Variants in FBXL14 observed in about 807,000 individuals in gnomAD.
FBXL14 encodes F-box and leucine rich repeat protein 14.
Under a neutral mutation model 24.5 loss-of-function variants are expected in FBXL14, and 11 were observed. The ratio of observed to expected loss-of-function variants is 0.45; its 90% CI spans 0.28 to 0.74. The LOEUF is 0.74. Among genes scored for constraint, FBXL14 ranks in the 30% least tolerant of loss-of-function variants. FBXL14 has a pLI of 0.12. For missense variants in FBXL14, 384 were observed against 545.6 expected (o/e 0.70, Z 2.95); for synonymous variants, 294 against 240.4 (o/e 1.22, Z -2.06).
chr12:1,582,223 AAAAGAGAAAG>A (rs2094467936), intron 1 of FBXL14, among the ~76,000 whole-genome samples: 1 of 151,198 alleles, frequency 6.6e-6, no homozygotes, highest in Non-Finnish European at 1.5e-5. Flanking sequence ...AGAAGAAAGA[AAAAGAGAAAG>A]AAAGAAAGAA....
intron 1 of FBXL14, among the ~76,000 whole-genome samples, chr12:1,582,179 AAAAG>A (rs1186250204): frequency 1.3e-5 from 2 of 151,914 alleles, no homozygotes; most frequent in Admixed American, 6.6e-5. Context: ...GAAAAGAAAG[AAAAG>A]AAAGGAAGAA....
At position 1,593,178 on chromosome 12, in the gene FBXL14, G is replaced by C. The variant is rs932689843; in HGVS notation, c.889C>G (p.Leu297Val). 3 of 1,613,384 alleles carry C rather than the reference G, an allele frequency of 1.9e-6. No individual in the cohort carries two copies. Among genetic ancestry groups the C allele is most frequent in the Non-Finnish European group, 1.7e-6 (2 of 1,180,040 alleles). The part of the protein sequence containing the change: ...SFCDKVGDQS[L>V]AYIAQGLDGL... Reference sequence around the variant, plus strand: ...TCCAGCCCCTGGGCTATGTAAGCCAGACTCTGGTCTCCCACCTTGTCACAG... The same window carrying C: ...TCCAGCCCCTGGGCTATGTAAGCCACACTCTGGTCTCCCACCTTGTCACAG... Residue 297 changes from leucine to valine, a missense_variant, in exon 1 of 2, where the codon CTG (leucine) becomes GTG (valine). Transcript: ENST00000339235. This position sits in a 1 kb window ranked among gnomAD's most constrained non-coding sequence, Gnocchi z 7.4.
In FBXL14 at chr12:1,592,885, C is replaced by T. The variant is rs781456195; in HGVS notation, c.1182G>A (p.Thr394=). 7.6e-6 allele frequency: 12 copies of T among 1,571,176 alleles called. No individual in the cohort carries two copies. The Middle Eastern group carries it at 6.8e-4, about 89-fold the overall frequency. Reference sequence around the variant, plus strand: ...GCCCTCACCTGACCTTCTCACTGTCCGTCATCTGCCAGAGTCCCAGGTTGA... The same window carrying T: ...GCCCTCACCTGACCTTCTCACTGTCTGTCATCTGCCAGAGTCCCAGGTTGA... ...KVLNLGLWQM[T]DSEKEARGDF... The change falls in exon 1 of 2, where the codon ACG becomes ACA. Residue 394 remains threonine (T), a synonymous_variant. Transcript: ENST00000339235.
Position 1,566,309 on chromosome 12 carries a change from T to C in FBXL14, c.*439A>G, listed in dbSNP as rs1381569106. 1 of 152,718 alleles carries C rather than the reference T, an allele frequency of 6.5e-6. No individual in the cohort carries two copies. Among genetic ancestry groups the C allele is most frequent in the Non-Finnish European group, 1.5e-5 (1 of 68,366 alleles). The allele number at this position is 152,718 out of a possible 1,614,324, so 9.5% of individuals were successfully genotyped here. On this transcript the variant is annotated 3_prime_UTR_variant, in exon 2 of 2. Transcript: ENST00000339235. ...CACTATGTAATGATATTTTACGTTC[T>C]CAGTAATACATATCATCATTATATA...
chr12:1,587,042 A>G (rs2094478116), intron 1 of FBXL14, among the ~76,000 whole-genome samples: 1 of 152,124 alleles, frequency 6.6e-6, no homozygotes, highest in Non-Finnish European at 1.5e-5. Flanking sequence ...GTTTGAGACC[A>G]GCCTGACCAA....
chr12:1,584,959 C>T (rs982753189), intron 1 of FBXL14, among the ~76,000 whole-genome samples: 1 of 152,166 alleles, frequency 6.6e-6, no homozygotes, highest in South Asian at 2.1e-4. Context: ...TTAACTGTTA[C>T]AATTTCTCCC....
Position 1,594,440 on chromosome 12 carries a change from A to C in FBXL14, c.-374T>G. On this transcript the variant is annotated 5_prime_UTR_variant, in exon 1 of 2. Transcript: ENST00000339235. ...CCGCTCCGCCCGCGCCGCCGCGCCC[A>C]CGCCCCCTGCCGCATCCTCCGCCTC... 1.4e-5 allele frequency among the ~76,000 whole-genome samples: 2 copies of C among 138,622 alleles called. No homozygotes were observed. Among genetic ancestry groups the C allele is most frequent in the East Asian group, 2.4e-4 (1 of 4,192 alleles). 90.9% of individuals were successfully genotyped at this position (138,622 alleles called of 152,430 possible).
chr12:1,572,218 CAGAG>C (rs1307509304), intron 1 of FBXL14, among the ~76,000 whole-genome samples: 3 of 152,164 alleles, frequency 2.0e-5, no homozygotes, highest in Non-Finnish European at 4.4e-5. Context: ...CTAGTGTTGA[CAGAG>C]GGAACTTTTT....
In FBXL14 at chr12:1,569,051, C is replaced by T. The variant is rs2094440894; in HGVS notation, c.1195-2241G>A. Reference sequence around the variant, plus strand: ...AATAATATAAGCATAATTATAATCTCACAAGTATTTTCATAGGATTGAGAT... The same window carrying T: ...AATAATATAAGCATAATTATAATCTTACAAGTATTTTCATAGGATTGAGAT... On this transcript the variant is annotated intron_variant, in intron 1 of 1. Coordinates refer to ENST00000339235, the MANE Select transcript of FBXL14 (RefSeq NM_152441.3). This position sits in a 1 kb window ranked among gnomAD's most constrained non-coding sequence, Gnocchi z 4.2. Among the ~76,000 whole-genome samples, 1 of 152,156 alleles carries T rather than the reference C, an allele frequency of 6.6e-6. No homozygotes were observed. The highest frequency in any genetic ancestry group is 2.4e-5 in the African/African-American group (1 of 41,428).
chr12:1,575,685 G>T (rs2094454520), intron 1 of FBXL14, among the ~76,000 whole-genome samples: 1 of 152,142 alleles, frequency 6.6e-6, no homozygotes, highest in African/African-American at 2.4e-5. Flanking sequence ...CATGCTGTGG[G>T]TCAGGATCTG....
At chr12:1,578,729 G>A (rs2094460601) in intron 1 of FBXL14, among the ~76,000 whole-genome samples, 1 of 152,080 alleles carries the variant, frequency 6.6e-6, no homozygotes, top group African/African-American at 2.4e-5. Context: ...CTAAAATAAC[G>A]ATGATAAGCA....
chr12:1,575,296 A>T (rs890554101), intron 1 of FBXL14, among the ~76,000 whole-genome samples: 3 of 152,228 alleles, frequency 2.0e-5, no homozygotes, highest in Non-Finnish European at 2.9e-5. Flanking sequence ...GAACAAAAAG[A>T]AAGTATTTGT....
chr12:1,587,012 C>A (rs952406756), intron 1 of FBXL14, among the ~76,000 whole-genome samples: 1 of 151,798 alleles, frequency 6.6e-6, no homozygotes, highest in Non-Finnish European at 1.5e-5. Flanking sequence ...CCGAGGCGGG[C>A]GGATCACTTG....
At chr12:1,580,534 G>T (rs577768580) in intron 1 of FBXL14, among the ~76,000 whole-genome samples, 2 of 152,008 alleles carry the variant, frequency 1.3e-5, no homozygotes, top group African/African-American at 2.4e-5. Context: ...AAACATAGTG[G>T]GGGGGGAGGT....
intron 1 of FBXL14, among the ~76,000 whole-genome samples, chr12:1,581,459 G>C (rs1218905707): frequency 1.3e-5 from 2 of 152,204 alleles, no homozygotes; most frequent in Non-Finnish European, 2.9e-5. Flanking sequence ...GGAGTCACGT[G>C]GTTTGGATGG....
At position 1,569,493 on chromosome 12, in the gene FBXL14, C is replaced by T. The variant is rs945640851; in HGVS notation, c.1195-2683G>A. Among the ~76,000 whole-genome samples the T allele has an allele frequency of 5.3e-5, 8 of 152,004 alleles. No homozygotes were observed. The highest frequency in any genetic ancestry group is 9.7e-5 in the African/African-American group (4 of 41,358). Reference sequence around the variant, plus strand: ...TCGGCTCACTGCAAGCTCCGCTTCCCGGGTTCACGCCATTCTCCTGCCTCA... The same window carrying T: ...TCGGCTCACTGCAAGCTCCGCTTCCTGGGTTCACGCCATTCTCCTGCCTCA... On this transcript the variant is annotated intron_variant, in intron 1 of 1. Coordinates refer to ENST00000339235, the MANE Select transcript of FBXL14 (RefSeq NM_152441.3). This position sits in a 1 kb window ranked among gnomAD's most constrained non-coding sequence, Gnocchi z 4.2.
Position 1,592,929 on chromosome 12 carries a change from G to A in FBXL14, c.1138C>T (p.Leu380=), listed in dbSNP as rs1401084724. The change falls in exon 1 of 2, where the codon CTG becomes TTG. Residue 380 remains leucine (L), a synonymous_variant. Transcript: ENST00000339235. ...TKRGLERITQ[L]PCLKVLNLGL... The stretch of plus-strand genomic sequence containing the variant: ...AGGTTGAGTACCTTGAGGCACGGCA[G>A]CTGCGTGATGCGCTCCAGGCCGCGC... 3 of 1,609,736 alleles carry A rather than the reference G, an allele frequency of 1.9e-6. No individual in the cohort carries two copies. The highest frequency in any genetic ancestry group is 2.5e-6 in the Non-Finnish European group (3 of 1,177,110).
Position 1,593,647 on chromosome 12 carries a change from C to G in FBXL14, c.420G>C (p.Gln140His). ...ITDSSLGRIA[Q>H]YLKGLEVLEL... ...CCAGCACCTCCAGGCCCTTGAGGTA[C>G]TGGGCTATGCGGCCCAGGCTGCTGT... Residue 140 changes from glutamine (Q) to histidine (H), a missense_variant, in exon 1 of 2, where the codon CAG (glutamine) becomes CAC (histidine). Gln to His is a conservative substitution (Grantham distance 24). Coordinates refer to ENST00000339235, the MANE Select transcript of FBXL14 (RefSeq NM_152441.3). The surrounding 1 kb of genome is among the most constrained non-coding windows in gnomAD (Gnocchi z 7.4). 6.2e-7 allele frequency: 1 copy of G among 1,614,208 alleles called. No individual in the cohort carries two copies. Among genetic ancestry groups the G allele is most frequent in the Non-Finnish European group, 8.5e-7 (1 of 1,180,046 alleles).
chr12:1,573,832 T>A (rs752480680), intron 1 of FBXL14, among the ~76,000 whole-genome samples: 8 of 152,082 alleles, frequency 5.3e-5, no homozygotes, highest in East Asian at 1.9e-4. Context: ...TGGAGAAACC[T>A]TGTCTCTACT....
Sources: gnomAD v4.1 joint callset for allele counts (sites outside exome capture counted in the v4.1 genomes callset) on GRCh38, gnomAD v4.1.1 for gene constraint, Gnocchi (gnomAD v3.1) non-coding constraint, MANE v1.5 for transcripts, NCBI Gene and HGNC (gene_info 2026-07-23, HGNC 2026-07-21) for gene names.